The following KLC1 variants were observed in gnomAD, a reference collection of about 807,000 sequenced individuals.
KLC1 encodes the protein kinesin 2 60/70kDa.
Under a neutral mutation model 84.2 loss-of-function variants are expected in KLC1, and 30 were observed. The ratio of observed to expected loss-of-function variants is 0.36; its 90% confidence interval spans 0.27 to 0.48. The LOEUF (loss-of-function observed/expected upper bound fraction) is 0.48, where lower values mean the gene tolerates loss of function less well. Ranked by LOEUF, KLC1 falls within the 20% of genes least tolerant of loss-of-function variation. The pLI, the probability that KLC1 is intolerant of heterozygous loss-of-function variation, is 0.99. For missense variants in KLC1, 499 were observed against 805.4 expected (o/e 0.62, Z 4.60); for synonymous variants, 289 against 293.3 (o/e 0.99, Z 0.15).
At chr14:103,662,567 C>A in intron 4 of KLC1, 135 bp from the exon 5 acceptor site, 2 of 691,816 alleles carry the variant, frequency 2.9e-6, no homozygotes, top group Non-Finnish European at 4.8e-6. Context: ...CCAGACAGTA[C>A]TAGGAAAAGA....
rs1444125604 is a variant in KLC1 at position 103,677,445 on chromosome 14, T to C, written c.1410T>C (p.Leu470=). 6 of 1,613,666 alleles carry C rather than the reference T, an allele frequency of 3.7e-6. No homozygotes were observed. The highest frequency in any genetic ancestry group is 5.1e-6 in the Non-Finnish European group (6 of 1,179,728). Residue 470 remains leucine, a synonymous_variant, in exon 12 of 17, where the codon CTT becomes CTC. Transcript: ENST00000334553. ...SPTVTTTLKN[L]GALYRRQGKF... Reference sequence around the variant, plus strand: ...CTGTTACAACCACTCTAAAAAACCTTGGGGCACTTTACAGACGTCAAGGCA... The same window carrying C: ...CTGTTACAACCACTCTAAAAAACCTCGGGGCACTTTACAGACGTCAAGGCA...
chr14:103,675,672 T>G lies in KLC1; in HGVS notation c.1312-17T>G. 1.2e-6 allele frequency: 2 copies of G among 1,610,996 alleles called. No homozygotes were observed. Among genetic ancestry groups the G allele is most frequent in the Non-Finnish European group, 1.7e-6 (2 of 1,177,440 alleles). On this transcript the variant is annotated splice_polypyrimidine_tract_variant and intron_variant, in intron 10 of 16. Coordinates refer to ENST00000334553, the MANE Select transcript of KLC1 (RefSeq NM_001394837.1). ...TTCAAGATAATTATTCATTTGAAAT[T>G]ATTTCTTATAATTTAGGGAAAGCAA...
rs1195112033 is a variant in KLC1 at position 103,633,873 on chromosome 14, TA to T, written c.-2+4380del. On this transcript the variant is annotated intron_variant, in intron 1 of 16. Coordinates refer to ENST00000334553, the MANE Select transcript of KLC1 (RefSeq NM_001394837.1). ...TGCTGTATTATTATTATTTTTTTTT[TA>T]TTATTACTTTTTGAGACGGAGTCTC... is the stretch of plus-strand genomic sequence containing the variant. 4.6e-5 allele frequency among the ~76,000 whole-genome samples: 7 copies of T among 152,242 alleles called. No individual in the cohort carries two copies. In the East Asian group the frequency reaches 1.4e-3, roughly 29 times the overall value.
intron 4 of KLC1, among the ~76,000 whole-genome samples, chr14:103,662,421 G>A (rs1257300352): frequency 2.0e-5 from 3 of 152,116 alleles, no homozygotes; most frequent in East Asian, 1.9e-4. Flanking sequence ...TTCAGGCGTG[G>A]TCTGCAGATT....
chr14:103,668,427 G>A (rs1177482837), intron 5 of KLC1, among the ~76,000 whole-genome samples: 2 of 152,154 alleles, frequency 1.3e-5, no homozygotes, highest in Admixed American at 6.5e-5. Flanking sequence ...TTTATTGGTG[G>A]ATTTCCTTCC....
chr14:103,638,979 A>G, intron 1 of KLC1, among the ~76,000 whole-genome samples: 1 of 152,028 alleles, frequency 6.6e-6, no homozygotes. Context: ...GAGACCTTGG[A>G]TTGTGTTCTT....
intron 1 of KLC1, among the ~76,000 whole-genome samples, chr14:103,648,635 TAAAA>T (rs147274538): frequency 6.7e-6 from 1 of 149,680 alleles, no homozygotes; most frequent in African/African-American, 2.5e-5. Flanking sequence ...AAAAAGAAAA[TAAAA>T]AAGAAAGAAA....
chr14:103,670,913 G>A (rs1224940055), intron 7 of KLC1, among the ~76,000 whole-genome samples: 1 of 151,232 alleles, frequency 6.6e-6, no homozygotes, highest in Non-Finnish European at 1.5e-5. Flanking sequence ...GTGAGACCTC[G>A]TCTCTAAAGA....
At chr14:103,673,284 T>C (rs776372743) in intron 8 of KLC1, 48 bp from the exon 9 acceptor site, 1 of 1,547,960 alleles carries the variant, frequency 6.5e-7, no homozygotes, top group Non-Finnish European at 8.7e-7. Flanking sequence ...ATGTATGCTT[T>C]ATTTACATCT....
At chr14:103,701,071 C>A in intron 16 of KLC1, 130 bp from the exon 17 acceptor site, 1 of 1,183,306 alleles carries the variant, frequency 8.5e-7, no homozygotes, top group Non-Finnish European at 1.2e-6. Context: ...GGGAGGCTCA[C>A]AACCAGCAAC....
intron 3 of KLC1, among the ~76,000 whole-genome samples, chr14:103,659,039 G>A (rs568454955): frequency 2.9e-4 from 43 of 147,508 alleles, no homozygotes; most frequent in African/African-American, 6.3e-4. Context: ...GTGCAATGGC[G>A]CGATCTTGGC....
intron 14 of KLC1, among the ~76,000 whole-genome samples, chr14:103,691,148 C>T (rs1008046640): frequency 1.5e-5 from 2 of 135,672 alleles, no homozygotes; most frequent in African/African-American, 2.7e-5. Context: ...CCAGATGGTT[C>T]CCCCCACTTT....
chr14:103,644,506 G>A (rs1280104766), intron 1 of KLC1, among the ~76,000 whole-genome samples: 1 of 151,982 alleles, frequency 6.6e-6, no homozygotes, highest in Non-Finnish European at 1.5e-5. Context: ...TGATCCACCC[G>A]CTTCAGCCTC....
chr14:103,700,368 T>G (rs901282331), intron 15 of KLC1: 1 of 386,098 alleles, frequency 2.6e-6, no homozygotes, highest in Non-Finnish European at 4.7e-6. Flanking sequence ...CCGTGGCCTG[T>G]GGGTGCCAGA....
At position 103,683,233 on chromosome 14, in the gene KLC1, G is replaced by C. The variant is rs375859681; in HGVS notation, c.1650+3688G>C. 6.0e-3 allele frequency: 917 copies of C among 152,332 alleles called. 7 individuals are homozygous for C. The highest frequency in any genetic ancestry group is 0.011 in the Non-Finnish European group (716 of 68,056). The allele number at this position is 152,332 out of a possible 1,614,324, so 9.4% of individuals were successfully genotyped here. A position where few individuals can be genotyped will look rare whatever the true frequency, so the allele number is the denominator to read the frequency against. ...CCCTGGTAATGTGCAGGGAGCGTCC[G>C]GATCGGAGTCTCGACCTGGTGGGTG... On this transcript the variant is annotated intron_variant, in intron 13 of 16. Transcript: ENST00000334553.
At position 103,654,768 on chromosome 14, in the gene KLC1, A is replaced by G. The variant is rs142230743; in HGVS notation, c.204A>G (p.Lys68=). The G allele has an allele frequency of 4.4e-5, 71 of 1,614,228 alleles. No individual in the cohort carries two copies. In the Admixed American group the frequency reaches 6.7e-4, roughly 15 times the overall value. The stretch of plus-strand genomic sequence containing the variant: ...ATGAAAGTAATTTGGTGGAGGAGAA[A>G]TCAAACATGATCCGGAAGTCACTGG... ...KDDESNLVEE[K]SNMIRKSLEM... is the part of the protein sequence containing the mutation. The change falls in exon 2 of 17, where the codon AAA becomes AAG. Residue 68 remains lysine, a synonymous_variant. Transcript: ENST00000334553.
chr14:103,665,210 AT>A (rs1019532606), intron 5 of KLC1, among the ~76,000 whole-genome samples: 1 of 148,744 alleles, frequency 6.7e-6, no homozygotes, highest in Admixed American at 6.7e-5. Context: ...TTTGTTCAAG[AT>A]TTTGGATTGA....
At chr14:103,697,064 T>A in intron 15 of KLC1, 1 of 985,480 alleles carries the variant, frequency 1.0e-6, no homozygotes, top group Non-Finnish European at 1.2e-6. Context: ...GCTGTCTCAT[T>A]TTCTAATCGC....
intron 1 of KLC1, among the ~76,000 whole-genome samples, chr14:103,635,300 CAG>C (rs1329342575): frequency 7.9e-5 from 12 of 152,276 alleles, no homozygotes; most frequent in African/African-American, 2.9e-4. Context: ...TAAAACTGAT[CAG>C]AGTGATGTTT....
Sources: gnomAD v4.1 joint callset for allele counts (sites outside exome capture counted in the v4.1 genomes callset) on GRCh38, gnomAD v4.1.1 for gene constraint, MANE v1.5 for transcripts, NCBI Gene and HGNC (gene_info 2026-07-23, HGNC 2026-07-21) for gene names.